EEIG2: variants seen among roughly 807,000 people sequenced by gnomAD.
EEIG2 encodes the protein family with sequence similarity 102 member B.
chr1:108,604,693 C>G, the EEIG2 span, among the ~76,000 whole-genome samples: 1 of 151,842 alleles, frequency 6.6e-6, no homozygotes, highest in African/African-American at 2.4e-5. Context: ...AGATCGGGAG[C>G]CTTTGGCTTT....
chr1:108,609,141 T>C, the EEIG2 span, among the ~76,000 whole-genome samples: 1 of 152,194 alleles, frequency 6.6e-6, no homozygotes, highest in Admixed American at 6.5e-5. Context: ...TTTTAACTTA[T>C]TGACATTGTA....
At chr1:108,579,770 T>TGAGAGAGAGAGAGAGAGA in the EEIG2 span, among the ~76,000 whole-genome samples, 104 of 23,172 alleles carry the variant, frequency 4.5e-3, 2 homozygotes, top group Middle Eastern at 0.02. Context: ...TGTGTGTGTG[T>TGAGAGAGAGAGAGAGAGA]GTGAGAGAGA....
At chr1:108,582,629 AATC>A in the EEIG2 span, among the ~76,000 whole-genome samples, 1 of 150,268 alleles carries the variant, frequency 6.7e-6, no homozygotes, top group East Asian at 2.0e-4. Context: ...TACCAATAAT[AATC>A]ATCATGGTTT....
the EEIG2 span, chr1:108,600,570 G>T: frequency 6.2e-7 from 1 of 1,610,550 alleles, no homozygotes; most frequent in South Asian, 1.1e-5. Flanking sequence ...CTTCAGGGAG[G>T]TGGTACAAGC....
At chr1:108,586,879 T>C in the EEIG2 span, among the ~76,000 whole-genome samples, 3 of 152,196 alleles carry the variant, frequency 2.0e-5, no homozygotes, top group African/African-American at 7.2e-5. Context: ...AAAGAATAAG[T>C]CTTTTTGTTC....
At chr1:108,602,884 A>AC in the EEIG2 span, among the ~76,000 whole-genome samples, 1 of 145,588 alleles carries the variant, frequency 6.9e-6, no homozygotes, top group African/African-American at 2.5e-5. Flanking sequence ...AAAAAAAAAA[A>AC]GAAGACCTTA....
At chr1:108,581,962 C>G in the EEIG2 span, among the ~76,000 whole-genome samples, 21,306 of 152,032 alleles carry the variant, frequency 0.14, 2,273 homozygotes, top group African/African-American at 0.3. Flanking sequence ...ATTGATGCAG[C>G]AAATTTCCTT....
the EEIG2 span, among the ~76,000 whole-genome samples, chr1:108,579,982 C>G: frequency 6.6e-6 from 1 of 152,124 alleles, no homozygotes; most frequent in East Asian, 1.9e-4. Flanking sequence ...CTGGGCTGGT[C>G]TCGAGCACTT....
chr1:108,570,720 GTTT>G, the EEIG2 span, among the ~76,000 whole-genome samples: 1 of 152,314 alleles, frequency 6.6e-6, no homozygotes, highest in South Asian at 2.1e-4. Flanking sequence ...AGATTTGGAA[GTTT>G]ATGGGTATGT....
chr1:108,592,675 G>A, the EEIG2 span, among the ~76,000 whole-genome samples: 35 of 152,210 alleles, frequency 2.3e-4, no homozygotes, highest in East Asian at 5.8e-3. Context: ...AGTGTATTTC[G>A]TCTGTATACT....
the EEIG2 span, chr1:108,624,589 C>CT: frequency 6.8e-7 from 1 of 1,480,812 alleles, no homozygotes; most frequent in Non-Finnish European, 9.4e-7. Flanking sequence ...CAATCAATAA[C>CT]TATTGTAAAC....
chr1:108,617,336 G>A, the EEIG2 span, among the ~76,000 whole-genome samples: 1 of 152,174 alleles, frequency 6.6e-6, no homozygotes, highest in African/African-American at 2.4e-5. Flanking sequence ...AGAGGACAGG[G>A]ACACAAATAA....
the EEIG2 span, among the ~76,000 whole-genome samples, chr1:108,569,678 T>G: frequency 6.6e-6 from 1 of 152,146 alleles, no homozygotes; most frequent in South Asian, 2.1e-4. Flanking sequence ...GACTAAGCTT[T>G]CAATTTTGTC....
At chr1:108,579,772 T>TGTGTGTGAGAGAGAGA in the EEIG2 span, among the ~76,000 whole-genome samples, 230 of 58,866 alleles carry the variant, frequency 3.9e-3, 5 homozygotes, top group African/African-American at 0.01. Flanking sequence ...TGTGTGTGTG[T>TGTGTGTGAGAGAGAGA]GAGAGAGAGA....
chr1:108,563,276 C>T, the EEIG2 span, among the ~76,000 whole-genome samples: 4 of 152,192 alleles, frequency 2.6e-5, no homozygotes, highest in African/African-American at 7.2e-5. Flanking sequence ...AGGCAGCCTA[C>T]GTGACCAGCC....
the EEIG2 span, chr1:108,631,088 G>A: frequency 0.081 from 29,926 of 369,796 alleles, 1,589 homozygotes; most frequent in East Asian, 0.16. Flanking sequence ...TGTGAAAAAG[G>A]ATTTACAGAA....
At chr1:108,635,366 C>T in the EEIG2 span, 2 of 527,784 alleles carry the variant, frequency 3.8e-6, no homozygotes, top group Non-Finnish European at 6.8e-6. Flanking sequence ...CCACTGTGTG[C>T]CTTGGAAGCA....
chr1:108,595,715 A>G, the EEIG2 span, among the ~76,000 whole-genome samples: 1 of 145,684 alleles, frequency 6.9e-6, no homozygotes, highest in Non-Finnish European at 1.5e-5. Context: ...CAAGGGAAGG[A>G]AGGGAGGGAG....
At chr1:108,591,021 C>CT in the EEIG2 span, among the ~76,000 whole-genome samples, 2 of 152,168 alleles carry the variant, frequency 1.3e-5, no homozygotes, top group African/African-American at 4.8e-5. Context: ...AGCTGTATCA[C>CT]TTTATCTTAG....
Sources: allele counts gnomAD v4.1 joint callset (sites outside exome capture counted in the v4.1 genomes callset), GRCh38; gene constraint gnomAD v4.1.1; transcripts MANE v1.5; gene names NCBI Gene and HGNC (gene_info 2026-07-23, HGNC 2026-07-21).